The following RBKS variants were observed in gnomAD, a reference collection of about 807,000 sequenced individuals.
RBKS encodes the protein ribokinase.
In RBKS, 33 loss-of-function variants were observed where a neutral mutation model predicts 33.9. That is an observed-to-expected ratio of 0.97 (90% CI 0.74 to 1.30). The LOEUF (loss-of-function observed/expected upper bound fraction) is 1.30, where lower values mean the gene tolerates loss of function less well. Among genes scored for constraint, RBKS ranks in the 50% most tolerant of loss-of-function variants. The pLI is 0.00. For synonymous variants in RBKS, 125 were observed against 143.0 expected (o/e 0.87, Z 0.90); for missense variants, 361 against 392.6 (o/e 0.92, Z 0.68).
chr2:27,836,519 T>C (rs1187785398), intron 5 of RBKS, among the ~76,000 whole-genome samples: 1 of 152,204 alleles, frequency 6.6e-6, no homozygotes, highest in African/African-American at 2.4e-5. Flanking sequence ...ATATTTTAAA[T>C]GTAAGACCTC....
intron 1 of RBKS, among the ~76,000 whole-genome samples, chr2:27,886,621 C>A (rs1022809191): frequency 1.8e-4 from 28 of 151,998 alleles, no homozygotes; most frequent in Non-Finnish European, 2.8e-4. Context: ...ACGCCTGTAA[C>A]CCCAGCACTT....
chr2:27,844,589 G>T (rs1391037576), intron 4 of RBKS, among the ~76,000 whole-genome samples: 1 of 151,866 alleles, frequency 6.6e-6, no homozygotes, highest in Non-Finnish European at 1.5e-5. Context: ...TAGAGATGGG[G>T]TTTCACTATG....
chr2:27,858,297 G>C, intron 2 of RBKS, 142 bp downstream of exon 2: 1 of 676,756 alleles, frequency 1.5e-6, no homozygotes. Flanking sequence ...AGTGGTGGTT[G>C]AATGTATTAA....
chr2:27,886,494 G>A (rs939476578), intron 1 of RBKS, among the ~76,000 whole-genome samples: 2 of 152,126 alleles, frequency 1.3e-5, no homozygotes, highest in African/African-American at 4.8e-5. Context: ...AACAATGAAT[G>A]TACAGACTAC....
rs74683886 is a variant in RBKS, at chr2:27,856,726, A to C, written c.222+1713T>G. 2.9e-3 allele frequency among the ~76,000 whole-genome samples: 441 copies of C among 152,222 alleles called. 3 individuals are homozygous for C. The highest frequency in any genetic ancestry group is 0.01 in the African/African-American group (419 of 41,534). On this transcript the variant is annotated intron_variant, in intron 2 of 7. Coordinates refer to ENST00000302188, the MANE Select transcript of RBKS (RefSeq NM_022128.3). ...CCCAGCGAAGCCATTTTGGGTGCATAGCTTCCAACGCCAATTCTATGTCCA... is the reference window on the plus strand; with the variant it reads ...CCCAGCGAAGCCATTTTGGGTGCATCGCTTCCAACGCCAATTCTATGTCCA...
chr2:27,827,821 C>CG, intron 6 of RBKS, 66 bp from the exon 7 acceptor site: 1 of 1,326,456 alleles, frequency 7.5e-7, no homozygotes, highest in South Asian at 1.8e-5. Flanking sequence ...CTTCCAGATG[C>CG]GTTTTTCTAG....
At chr2:27,801,950 G>GAAA (rs1217494223) in intron 7 of RBKS, among the ~76,000 whole-genome samples, 61 of 40,508 alleles carry the variant, frequency 1.5e-3, no homozygotes, top group East Asian at 2.6e-3. Flanking sequence ...AGTAGCTGGG[G>GAAA]AAAAAAAAAA....
chr2:27,840,374 A>G (rs1398232728), intron 5 of RBKS, among the ~76,000 whole-genome samples: 12 of 143,084 alleles, frequency 8.4e-5, no homozygotes, highest in African/African-American at 2.8e-4. Flanking sequence ...GCACACACAC[A>G]CACACACACA....
chr2:27,866,636 T>C (rs961111618), intron 1 of RBKS, among the ~76,000 whole-genome samples: 1 of 152,226 alleles, frequency 6.6e-6, no homozygotes, highest in Non-Finnish European at 1.5e-5. Context: ...AGTTCACTTA[T>C]CCTTTCTTCT....
chr2:27,792,201 C>A (rs1677543498), intron 7 of RBKS, among the ~76,000 whole-genome samples: 1 of 152,202 alleles, frequency 6.6e-6, no homozygotes, highest in South Asian at 2.1e-4. Context: ...TCCAATTCCA[C>A]CTCTGCTCTT....
chr2:27,808,148 T>C (rs542779996), intron 7 of RBKS, among the ~76,000 whole-genome samples: 1 of 152,308 alleles, frequency 6.6e-6, no homozygotes, highest in South Asian at 2.1e-4. Flanking sequence ...AATAAGCGGT[T>C]GAGTGCAAAA....
chr2:27,832,480 A>G (rs977207542), intron 6 of RBKS, among the ~76,000 whole-genome samples: 2 of 152,194 alleles, frequency 1.3e-5, no homozygotes, highest in African/African-American at 4.8e-5. Flanking sequence ...GTGCCAGAAT[A>G]TGGAAGTGAC....
At chr2:27,798,980 C>G (rs145949494) in intron 7 of RBKS, among the ~76,000 whole-genome samples, 1 of 152,162 alleles carries the variant, frequency 6.6e-6, no homozygotes, top group Non-Finnish European at 1.5e-5. Context: ...GAGGGTAGCA[C>G]GCCTGTCTTC....
chr2:27,792,329 C>G (rs1032384386), intron 7 of RBKS, among the ~76,000 whole-genome samples: 3 of 152,180 alleles, frequency 2.0e-5, no homozygotes, highest in African/African-American at 7.2e-5. Context: ...AATGTAAATT[C>G]TCTGTGACTT....
rs139534972 is a variant in RBKS at position 27,782,157 on chromosome 2, AT to A, written c.796-370del. On this transcript the variant is annotated intron_variant, in intron 7 of 7. Transcript: ENST00000302188. ...TCTTAGACATTCTTTGTTTTTGATG[AT>A]TTTTTTTTTCTTTTTTTTAAAGAGA... is the stretch of plus-strand genomic sequence containing the variant. 5.4e-3 allele frequency among the ~76,000 whole-genome samples: 809 copies of A among 148,542 alleles called. 5 individuals carry two copies. Among genetic ancestry groups the A allele is most frequent in the African/African-American group, 0.019 (766 of 40,446 alleles).
intron 7 of RBKS, among the ~76,000 whole-genome samples, chr2:27,788,329 C>T (rs995474815): frequency 6.6e-6 from 1 of 152,124 alleles, no homozygotes. Flanking sequence ...TAATGACCTA[C>T]GTAGAAAATC....
At chr2:27,794,158 G>A (rs1179386788) in intron 7 of RBKS, among the ~76,000 whole-genome samples, 1 of 151,700 alleles carries the variant, frequency 6.6e-6, no homozygotes, top group Non-Finnish European at 1.5e-5. Context: ...TTAGCCGGGC[G>A]TGGTGGTGCA....
intron 7 of RBKS, among the ~76,000 whole-genome samples, chr2:27,794,388 T>C (rs1047820975): frequency 1.3e-5 from 2 of 150,614 alleles, no homozygotes; most frequent in African/African-American, 4.9e-5. Context: ...AAGAAATCAA[T>C]ATCAGTCACT....
rs756995099 is a variant in RBKS at position 27,890,221 on chromosome 2, C to T, written c.89+36G>A. ...CATAGCGCACGGCACGCCTCCTCCC[C>T]CGAGCCGCAGACTGAGTAACTGGCC... On this transcript the variant is annotated intron_variant, in intron 1 of 7. Transcript: ENST00000302188. The surrounding 1 kb of genome is among the most constrained non-coding windows in gnomAD (Gnocchi z 4.8). 1.2e-6 allele frequency: 2 copies of T among 1,602,056 alleles called. No homozygotes were observed. Among genetic ancestry groups the T allele is most frequent in the East Asian group, 2.2e-5 (1 of 44,650 alleles).
Sources: allele counts gnomAD v4.1 joint callset (sites outside exome capture counted in the v4.1 genomes callset), GRCh38; gene constraint gnomAD v4.1.1; non-coding constraint Gnocchi (gnomAD v3.1); transcripts MANE v1.5; gene names NCBI Gene and HGNC (gene_info 2026-07-23, HGNC 2026-07-21).